RBFOX1: variants seen among roughly 807,000 people sequenced by gnomAD.
RBFOX1 encodes RNA binding protein fox-1 homolog 1.
In RBFOX1, 8 loss-of-function variants were observed where a neutral mutation model predicts 57.7. The observed-to-expected ratio is 0.14, with a 90% CI of 0.08 to 0.25. The LOEUF is 0.25. Ranked by LOEUF, RBFOX1 falls within the 10% of genes least tolerant of loss-of-function variation. RBFOX1 has a pLI of 1.00. For synonymous variants in RBFOX1, 326 were observed against 222.4 expected (o/e 1.47, Z -4.15); for missense variants, 611 against 548.5 (o/e 1.11, Z -1.14).
At chr16:5,786,630 C>T (rs999811206) in intron 3 of RBFOX1, among the ~76,000 whole-genome samples, 1 of 152,160 alleles carries the variant, frequency 6.6e-6, no homozygotes, top group African/African-American at 2.4e-5. Context: ...CAGTGAGGTT[C>T]ATTCTCCTTA....
chr16:7,033,133 A>G (rs2043242799), intron 3 of RBFOX1, among the ~76,000 whole-genome samples: 1 of 152,152 alleles, frequency 6.6e-6, no homozygotes, highest in South Asian at 2.1e-4. Context: ...GGGAAGAAGG[A>G]AAGTGCAGTA....
chr16:5,388,196 AGGAAACCAGCACATTG>A (rs1413874011), intron 1 of RBFOX1, among the ~76,000 whole-genome samples: 10 of 152,196 alleles, frequency 6.6e-5, no homozygotes, highest in Non-Finnish European at 1.3e-4. Context: ...CAGCAGTAGC[AGGAAACCAGCACATTG>A]GTAGAGGCAG....
chr16:7,482,537 C>T (rs1421412758), intron 4 of RBFOX1, among the ~76,000 whole-genome samples: 1 of 141,946 alleles, frequency 7.0e-6, no homozygotes, highest in African/African-American at 2.7e-5. Flanking sequence ...CTTTGATTGC[C>T]TGGGATTTTT....
At chr16:7,159,333 TG>T (rs1042337352) in intron 4 of RBFOX1, among the ~76,000 whole-genome samples, 1 of 152,036 alleles carries the variant, frequency 6.6e-6, no homozygotes, top group Admixed American at 6.6e-5. Context: ...AGACAGGGAT[TG>T]AGAGGGGTGG....
chr16:6,972,130 C>G (rs1310357762), intron 3 of RBFOX1, among the ~76,000 whole-genome samples: 3 of 152,104 alleles, frequency 2.0e-5, no homozygotes, highest in Non-Finnish European at 4.4e-5. Flanking sequence ...ACCATCTTAA[C>G]CATTTGTAAG....
chr16:5,573,539 C>T lies in RBFOX1; in HGVS notation c.259-25363C>T, dbSNP rs989400060. On this transcript the variant is annotated intron_variant, in intron 2 of 2. Transcript: ENST00000585867. ...GACAACTTTGAGAGGTTCAGCTCCA[C>T]GGAATGTACCAGAAATCAACCTGAG... Among the ~76,000 whole-genome samples, 16 of 152,158 alleles carry T rather than the reference C, an allele frequency of 1.1e-4. 1 individual carries two copies. Among genetic ancestry groups the T allele is most frequent in the East Asian group, 1.9e-4 (1 of 5,174 alleles).
At chr16:7,000,089 G>C (rs923951441) in intron 3 of RBFOX1, among the ~76,000 whole-genome samples, 3 of 128,376 alleles carry the variant, frequency 2.3e-5, no homozygotes, top group South Asian at 2.6e-4. Context: ...AAAAAAAAAA[G>C]ATTATTTAAG....
At chr16:7,297,528 C>A (rs1454181068) in intron 4 of RBFOX1, among the ~76,000 whole-genome samples, 1 of 152,110 alleles carries the variant, frequency 6.6e-6, no homozygotes. Flanking sequence ...TGCTATGTAG[C>A]TTAGTCCATT....
intron 3 of RBFOX1, among the ~76,000 whole-genome samples, chr16:6,680,140 A>G (rs1178954892): frequency 6.6e-6 from 1 of 152,056 alleles, no homozygotes; most frequent in African/African-American, 2.4e-5. Context: ...GGACTACCAC[A>G]TAGGGTTGTG....
At chr16:7,162,296 C>T (rs919667238) in intron 4 of RBFOX1, among the ~76,000 whole-genome samples, 2 of 152,136 alleles carry the variant, frequency 1.3e-5, no homozygotes, top group African/African-American at 4.8e-5. Context: ...TATATGTATA[C>T]ACACATACAT....
At chr16:7,170,593 A>T (rs1352393027) in intron 4 of RBFOX1, among the ~76,000 whole-genome samples, 2 of 152,174 alleles carry the variant, frequency 1.3e-5, no homozygotes, top group African/African-American at 4.8e-5. Flanking sequence ...AAAGGATTTG[A>T]CTGGATCACC....
chr16:7,077,504 C>G (rs2058493501), intron 4 of RBFOX1, among the ~76,000 whole-genome samples: 1 of 152,128 alleles, frequency 6.6e-6, no homozygotes, highest in African/African-American at 2.4e-5. Context: ...TAAACATGGA[C>G]TAATGGGGAT....
At chr16:7,566,278 G>T (rs72774912) in intron 5 of RBFOX1, among the ~76,000 whole-genome samples, 3 of 151,912 alleles carry the variant, frequency 2.0e-5, no homozygotes, top group African/African-American at 7.3e-5. Flanking sequence ...CTTTTTAATT[G>T]GTTGGATGAG....
At chr16:5,765,044 C>A (rs963589609) in intron 3 of RBFOX1, among the ~76,000 whole-genome samples, 3 of 152,148 alleles carry the variant, frequency 2.0e-5, no homozygotes, top group Admixed American at 1.3e-4. Flanking sequence ...TCAGGAAACA[C>A]CATCAAATGT....
At chr16:6,797,824 T>A (rs2084440234) in intron 3 of RBFOX1, among the ~76,000 whole-genome samples, 1 of 152,164 alleles carries the variant, frequency 6.6e-6, no homozygotes, top group Non-Finnish European at 1.5e-5. Flanking sequence ...ATGTCTGCAA[T>A]CATGAGCTCT....
chr16:6,726,292 A>G (rs2067151522), intron 3 of RBFOX1, among the ~76,000 whole-genome samples: 1 of 152,188 alleles, frequency 6.6e-6, no homozygotes, highest in African/African-American at 2.4e-5. Flanking sequence ...TAACATTTCC[A>G]TTAGGTTTTA....
In RBFOX1 at chr16:7,428,289, G is replaced by A. The variant is rs146196547; in HGVS notation, c.28-89858G>A. ...CAACTTTTTTTGTTGAATAAGTTTT[G>A]TATGAGATATATTTGACCTATGAGA... is the stretch of plus-strand genomic sequence containing the variant. On this transcript the variant is annotated intron_variant, in intron 4 of 15. Transcript: ENST00000550418. Among the ~76,000 whole-genome samples, 273 of 139,800 alleles carry A rather than the reference G, an allele frequency of 2.0e-3. 1 individual carries two copies. Among genetic ancestry groups the A allele is most frequent in the African/African-American group, 6.4e-3 (246 of 38,332 alleles). 91.7% of individuals were successfully genotyped at this position (139,800 alleles called of 152,430 possible).
At chr16:7,078,609 A>G (rs962435092) in intron 4 of RBFOX1, among the ~76,000 whole-genome samples, 3 of 151,754 alleles carry the variant, frequency 2.0e-5, no homozygotes, top group African/African-American at 7.3e-5. Flanking sequence ...TGGCCTCCTG[A>G]TGTGTTGAGA....
chr16:6,652,441 C>T (rs778111040), intron 2 of RBFOX1, among the ~76,000 whole-genome samples: 15 of 151,504 alleles, frequency 9.9e-5, no homozygotes, highest in Admixed American at 3.3e-4. Flanking sequence ...AGCTAGACTC[C>T]ATCTCAGGAA....
Sources: gnomAD v4.1 joint callset for allele counts (sites outside exome capture counted in the v4.1 genomes callset) on GRCh38, gnomAD v4.1.1 for gene constraint, MANE v1.5 for transcripts, NCBI Gene and HGNC (gene_info 2026-07-23, HGNC 2026-07-21) for gene names.